The following RAD51B variants were observed in gnomAD, a reference collection of about 807,000 sequenced individuals.
The protein encoded by RAD51B is RAD51 paralog B.
In RAD51B, 38 loss-of-function variants were observed where a neutral mutation model predicts 42.2. The ratio of observed to expected loss-of-function variants is 0.90; its 90% CI spans 0.70 to 1.18. The LOEUF (loss-of-function observed/expected upper bound fraction) is 1.18, where lower values mean the gene tolerates loss of function less well. Among genes scored for constraint, RAD51B ranks in the 50% most tolerant of loss-of-function variants. RAD51B has a pLI of 0.00. For missense variants in RAD51B, 373 were observed against 400.7 expected (o/e 0.93, Z 0.59); for synonymous variants, 154 against 145.2 (o/e 1.06, Z -0.43).
intron 7 of RAD51B, among the ~76,000 whole-genome samples, chr14:68,123,581 G>A (rs2077695560): frequency 6.6e-6 from 1 of 152,112 alleles, no homozygotes; most frequent in African/African-American, 2.4e-5. Flanking sequence ...GCCGAGATGG[G>A]TGGATCACTT....
chr14:68,365,674 T>C (rs2083127990), intron 8 of RAD51B, among the ~76,000 whole-genome samples: 1 of 152,236 alleles, frequency 6.6e-6, no homozygotes, highest in Non-Finnish European at 1.5e-5. Flanking sequence ...AATCAAGACA[T>C]TTTCATTCTC....
At chr14:68,355,485 T>TTA (rs201900971) in intron 8 of RAD51B, among the ~76,000 whole-genome samples, 9,303 of 152,250 alleles carry the variant, frequency 0.061, 417 homozygotes, top group African/African-American at 0.13. Flanking sequence ...ATTCCTGATA[T>TTA]TAATAAACTC....
intron 7 of RAD51B, among the ~76,000 whole-genome samples, chr14:67,890,660 G>T (rs1464586265): frequency 7.5e-6 from 1 of 132,906 alleles, no homozygotes; most frequent in Admixed American, 9.2e-5. Context: ...TTAATGACAG[G>T]ATTATATTTT....
intron 7 of RAD51B, among the ~76,000 whole-genome samples, chr14:68,153,675 TG>T (rs2078438264): frequency 6.6e-6 from 1 of 152,326 alleles, no homozygotes; most frequent in South Asian, 2.1e-4. Context: ...TTAATGGGGT[TG>T]TTTTTTTCTT....
At chr14:68,561,611 G>A (rs751708853) in intron 10 of RAD51B, among the ~76,000 whole-genome samples, 3 of 152,202 alleles carry the variant, frequency 2.0e-5, no homozygotes, top group Middle Eastern at 3.2e-3. Flanking sequence ...CAAGTTCCCC[G>A]TGTGGCTTCT....
intron 7 of RAD51B, among the ~76,000 whole-genome samples, chr14:67,947,830 G>T (rs57580062): frequency 0.026 from 4,033 of 152,202 alleles, 179 homozygotes; most frequent in African/African-American, 0.092. Context: ...TATTATAATG[G>T]AAAAATCTGC....
chr14:68,615,638 C>G (rs773103079), downstream of RAD51B, among the ~76,000 whole-genome samples: 3 of 152,218 alleles, frequency 2.0e-5, no homozygotes, highest in South Asian at 6.2e-4. Context: ...AGCCACTGCA[C>G]CTGGCTTAAA....
intron 10 of RAD51B, among the ~76,000 whole-genome samples, chr14:68,592,541 G>A (rs1220293037): frequency 6.6e-6 from 1 of 152,148 alleles, no homozygotes; most frequent in Admixed American, 6.5e-5. Context: ...AAAAAAAGTT[G>A]GTTCAATTGC....
At chr14:68,542,595 G>A (rs1201325975) in intron 10 of RAD51B, among the ~76,000 whole-genome samples, 1 of 152,206 alleles carries the variant, frequency 6.6e-6, no homozygotes, top group Non-Finnish European at 1.5e-5. Context: ...CTTGCCACAA[G>A]ATATCTCATG....
At chr14:68,553,973 A>G (rs1888705774) in intron 10 of RAD51B, among the ~76,000 whole-genome samples, 1 of 152,212 alleles carries the variant, frequency 6.6e-6, no homozygotes, top group Non-Finnish European at 1.5e-5. Flanking sequence ...CTTTTAGGGT[A>G]TAATAATAAC....
At chr14:67,846,128 C>A (rs528584444) in intron 4 of RAD51B, among the ~76,000 whole-genome samples, 1 of 152,254 alleles carries the variant, frequency 6.6e-6, no homozygotes, top group South Asian at 2.1e-4. Context: ...CCAACAGCAG[C>A]TGCGTTATGG....
intron 9 of RAD51B, among the ~76,000 whole-genome samples, chr14:68,426,007 C>CCTTT (rs59829165): frequency 0.25 from 28,490 of 115,288 alleles, 4,569 homozygotes; most frequent in Admixed American, 0.38. Flanking sequence ...TTCCTTCCTT[C>CCTTT]CTTTCTTTCT....
At chr14:68,058,947 G>A (rs574762649) in intron 7 of RAD51B, among the ~76,000 whole-genome samples, 2 of 152,104 alleles carry the variant, frequency 1.3e-5, no homozygotes, top group African/African-American at 2.4e-5. Flanking sequence ...TCATACAAGA[G>A]ACATCAAATA....
chr14:68,484,365 T>TTC (rs1555417131), intron 10 of RAD51B, among the ~76,000 whole-genome samples: 1 of 148,864 alleles, frequency 6.7e-6, no homozygotes, highest in Non-Finnish European at 1.5e-5. Flanking sequence ...TTTTCTTTTT[T>TTC]TTTTTTTTTT....
intron 7 of RAD51B, among the ~76,000 whole-genome samples, chr14:68,218,586 A>G (rs780076451): frequency 2.0e-5 from 3 of 152,256 alleles, no homozygotes; most frequent in Non-Finnish European, 2.9e-5. Context: ...TTTCATAGCT[A>G]TTTAATAAAG....
intron 7 of RAD51B, among the ~76,000 whole-genome samples, chr14:67,895,944 C>T (rs2043401685): frequency 6.6e-6 from 1 of 152,158 alleles, no homozygotes; most frequent in Non-Finnish European, 1.5e-5. Context: ...TGTTTTAGCC[C>T]CAGTTAATTC....
chr14:68,286,671 A>T (rs1402565452), intron 7 of RAD51B, among the ~76,000 whole-genome samples: 1 of 152,190 alleles, frequency 6.6e-6, no homozygotes. Context: ...CACCCCACCA[A>T]AGATATTTCT....
intron 7 of RAD51B, among the ~76,000 whole-genome samples, chr14:68,207,027 T>C (rs887577500): frequency 3.3e-5 from 5 of 152,108 alleles, no homozygotes; most frequent in African/African-American, 4.8e-5. Context: ...CCTGACCTCA[T>C]GATCCGCCCG....
chr14:68,133,817 CT>C (rs1031892097), intron 7 of RAD51B, among the ~76,000 whole-genome samples: 21 of 149,756 alleles, frequency 1.4e-4, no homozygotes, highest in East Asian at 3.9e-4. Context: ...GTTAAGAAAA[CT>C]TTTTTTTTTA....
Sources: gnomAD v4.1 joint callset for allele counts (sites outside exome capture counted in the v4.1 genomes callset) on GRCh38, gnomAD v4.1.1 for gene constraint, MANE v1.5 for transcripts, NCBI Gene and HGNC (gene_info 2026-07-23, HGNC 2026-07-21) for gene names.